Variants in ELL observed in about 807,000 individuals in gnomAD.
The protein encoded by ELL is RNA polymerase II elongation factor ELL.
ELL carries 18 observed loss-of-function variants against 64.0 expected under a neutral mutation model. That is an observed-to-expected ratio of 0.28 (90% CI 0.19 to 0.42). The LOEUF (loss-of-function observed/expected upper bound fraction) is 0.42, where lower values mean the gene tolerates loss of function less well. ELL is among the 10% of genes least tolerant of loss of function. ELL has a pLI of 1.00. For synonymous variants in ELL, 399 were observed against 376.2 expected (o/e 1.06, Z -0.70); for missense variants, 797 against 870.4 (o/e 0.92, Z 1.06).
At chr19:18,463,381 C>CTGGA (rs1350375732) in intron 4 of ELL, among the ~76,000 whole-genome samples, 1 of 130,446 alleles carries the variant, frequency 7.7e-6, no homozygotes, top group Non-Finnish European at 1.5e-5. Flanking sequence ...GTTGCGCAGG[C>CTGGA]TGGAGTGCAA....
At chr19:18,478,752 C>T (rs1600469010) in intron 1 of ELL, among the ~76,000 whole-genome samples, 1 of 152,238 alleles carries the variant, frequency 6.6e-6, no homozygotes, top group East Asian at 1.9e-4. Flanking sequence ...GACCCTGACT[C>T]GGAGAACAGA....
At chr19:18,514,902 C>T (rs1318972049) in intron 1 of ELL, among the ~76,000 whole-genome samples, 1 of 152,246 alleles carries the variant, frequency 6.6e-6, no homozygotes. Context: ...GCAGCTGCTT[C>T]GAGCCCAGGG....
At chr19:18,451,020 T>C in intron 7 of ELL, 45 bp from the exon 8 acceptor site, 5 of 1,481,968 alleles carry the variant, frequency 3.4e-6, no homozygotes, top group Non-Finnish European at 4.5e-6. Context: ...ACAGAGTGGC[T>C]GAGCAGCAAC....
At chr19:18,465,273 T>C in intron 4 of ELL, 139 bp downstream of exon 4, 1 of 1,258,652 alleles carries the variant, frequency 7.9e-7, no homozygotes, top group Non-Finnish European at 1.1e-6. Flanking sequence ...AGGCACGTCC[T>C]GCTCAGGGAC....
At chr19:18,461,890 C>G in intron 4 of ELL, 38 bp from the exon 5 acceptor site, 1 of 1,587,282 alleles carries the variant, frequency 6.3e-7, no homozygotes, top group Non-Finnish European at 8.6e-7. Flanking sequence ...ACAGAGAGGG[C>G]GCTGCCGTGT....
At chr19:18,456,743 C>G (rs1191648228) in intron 6 of ELL, among the ~76,000 whole-genome samples, 1 of 152,014 alleles carries the variant, frequency 6.6e-6, no homozygotes, top group Non-Finnish European at 1.5e-5. Flanking sequence ...GAAACCACCC[C>G]CCAAAGCCAC....
At chr19:18,456,138 A>T (rs538140656) in intron 6 of ELL, among the ~76,000 whole-genome samples, 2 of 152,168 alleles carry the variant, frequency 1.3e-5, no homozygotes, top group African/African-American at 4.8e-5. Flanking sequence ...AGAGGAGGAC[A>T]GACTCTAGCA....
intron 1 of ELL, among the ~76,000 whole-genome samples, chr19:18,506,221 C>T (rs1975881617): frequency 6.6e-6 from 1 of 152,358 alleles, no homozygotes; most frequent in South Asian, 2.1e-4. Context: ...AACATGGAGA[C>T]AGCCCTGCTG....
intron 1 of ELL, among the ~76,000 whole-genome samples, chr19:18,510,543 G>A (rs576010588): frequency 1.1e-4 from 17 of 152,246 alleles, no homozygotes; most frequent in Admixed American, 7.2e-4. Context: ...AGGTGATCCT[G>A]CTCGAGACCT....
chr19:18,477,964 T>TG (rs1030776899), intron 1 of ELL, among the ~76,000 whole-genome samples: 12 of 151,198 alleles, frequency 7.9e-5, no homozygotes, highest in Admixed American at 5.3e-4. Flanking sequence ...AAGGACTGGG[T>TG]GGGGGGGATG....
rs7253118 is a variant in ELL at position 18,501,697 on chromosome 19, G to A, written c.135+20224C>T. ...CACTGGTCCATCTGACACACCTGGG[G>A]GCCCAAGAGGTGATGGCATCACATA... is the stretch of plus-strand genomic sequence containing the variant. On this transcript the variant is annotated intron_variant, in intron 1 of 11. Coordinates refer to ENST00000262809, the MANE Select transcript of ELL (RefSeq NM_006532.4). This position sits in a 1 kb window ranked among gnomAD's most constrained non-coding sequence, Gnocchi z 4.5. Among the ~76,000 whole-genome samples the A allele has an allele frequency of 5.1e-4, 77 of 152,318 alleles. No homozygotes were observed. The highest frequency in any genetic ancestry group is 3.4e-3 in the Middle Eastern group (1 of 294).
In ELL at chr19:18,458,347, C is replaced by G; in HGVS notation, c.745-18G>C. The G allele has an allele frequency of 6.2e-7, 1 of 1,603,134 alleles. No homozygotes were observed. The highest frequency in any genetic ancestry group is 8.5e-7 in the Non-Finnish European group (1 of 1,173,240). On this transcript the variant is annotated intron_variant, in intron 5 of 11. Coordinates refer to ENST00000262809, the MANE Select transcript of ELL (RefSeq NM_006532.4). ...TTGGCCACCTGCAAGACAGAGCCAGCCATCACTTTGTGGGAATCCTGAGAG... is the reference window on the plus strand; with the variant it reads ...TTGGCCACCTGCAAGACAGAGCCAGGCATCACTTTGTGGGAATCCTGAGAG...
chr19:18,461,354 C>A (rs568764141), intron 5 of ELL, among the ~76,000 whole-genome samples: 1 of 152,356 alleles, frequency 6.6e-6, no homozygotes, highest in South Asian at 2.1e-4. Context: ...ACCTCTCAAC[C>A]CTGGACAGTC....
chr19:18,466,868 CCCCGT>C (rs1422630835), intron 2 of ELL, among the ~76,000 whole-genome samples: 1 of 152,206 alleles, frequency 6.6e-6, no homozygotes, highest in Non-Finnish European at 1.5e-5. Flanking sequence ...GGCACCCAAG[CCCCGT>C]CTCCTCCTCT....
chr19:18,445,231 A>G lies in ELL; in HGVS notation c.1742T>C (p.Ile581Thr). ...RGQILQEYRK[I>T]KKTNTNYSQE... ...AACACAAGAGACACTCACCTTTTTG[A>G]TTTTTCGATATTCCTGCAAAATCTG... The change falls in exon 11 of 12, where the codon ATC (isoleucine) becomes ACC (threonine). Residue 581 changes from isoleucine (I) to threonine (T), a missense_variant. By Grantham distance (89) the Ile-to-Thr change is moderately conservative. Transcript: ENST00000262809. 2.5e-6 allele frequency: 4 copies of G among 1,613,882 alleles called. No homozygotes were observed. The highest frequency in any genetic ancestry group is 3.4e-6 in the Non-Finnish European group (4 of 1,179,958).
intron 1 of ELL, among the ~76,000 whole-genome samples, chr19:18,506,807 G>T (rs1975892636): frequency 6.6e-6 from 1 of 152,184 alleles, no homozygotes; most frequent in Non-Finnish European, 1.5e-5. Flanking sequence ...TCAGCTCAGA[G>T]ATTAGAGGGA....
Position 18,501,458 on chromosome 19 carries a change from C to G in ELL, c.135+20463G>C, listed in dbSNP as rs1357146653. ...CTCAACAATGAGGCGGACCCTCCAACGTGCCTCACACTTCAAGGCAGCTCT... is the reference window on the plus strand; with the variant it reads ...CTCAACAATGAGGCGGACCCTCCAAGGTGCCTCACACTTCAAGGCAGCTCT... On this transcript the variant is annotated intron_variant, in intron 1 of 11. Transcript: ENST00000262809. This position sits in a 1 kb window ranked among gnomAD's most constrained non-coding sequence, Gnocchi z 4.5. Among the ~76,000 whole-genome samples the G allele has an allele frequency of 6.6e-6, 1 of 152,244 alleles. No individual in the cohort carries two copies. Among genetic ancestry groups the G allele is most frequent in the African/African-American group, 2.4e-5 (1 of 41,470 alleles).
chr19:18,462,145 G>A (rs1448277450), intron 4 of ELL, among the ~76,000 whole-genome samples: 2 of 151,658 alleles, frequency 1.3e-5, no homozygotes, highest in African/African-American at 4.9e-5. Flanking sequence ...ATCCTGGACA[G>A]CAAAATCACC....
chr19:18,482,763 T>TTTTTTGTTGTTG (rs1975329807), intron 1 of ELL, among the ~76,000 whole-genome samples: 1 of 149,602 alleles, frequency 6.7e-6, no homozygotes, highest in South Asian at 2.1e-4. Flanking sequence ...CTTTTTGGTT[T>TTTTTTGTTGTTG]TTGTTGTTGT....
Sources: allele counts gnomAD v4.1 joint callset (sites outside exome capture counted in the v4.1 genomes callset), GRCh38; gene constraint gnomAD v4.1.1; non-coding constraint Gnocchi (gnomAD v3.1); transcripts MANE v1.5; gene names NCBI Gene and HGNC (gene_info 2026-07-23, HGNC 2026-07-21).